STAT6: variants seen among roughly 807,000 people sequenced by gnomAD.
STAT6 encodes signal transducer and activator of transcription 6.
STAT6 carries 45 observed loss-of-function variants against 106.3 expected under a neutral mutation model. The ratio of observed to expected loss-of-function variants is 0.42; its 90% confidence interval spans 0.33 to 0.54. STAT6 has a LOEUF of 0.54. Among genes scored for constraint, STAT6 ranks in the 20% least tolerant of loss-of-function variants. The pLI is 0.06. For missense variants in STAT6, 797 were observed against 1,062.2 expected (o/e 0.75, Z 3.47); for synonymous variants, 413 against 413.6 (o/e 1.00, Z 0.02).
At position 57,096,372 on chromosome 12, in the gene STAT6, G is replaced by A; in HGVS notation, c.*200C>T. On this transcript the variant is annotated 3_prime_UTR_variant, in exon 22 of 22. Coordinates refer to ENST00000300134, the MANE Select transcript of STAT6 (RefSeq NM_003153.5). ...TCAGTGCTGGAAGGAGGTGGGCAGG[G>A]GAATGATAGAAAGGAAGGAGTGGAT... 1.7e-6 allele frequency: 1 copy of A among 593,812 alleles called. No individual in the cohort carries two copies. The highest frequency in any genetic ancestry group is 2.9e-6 in the Non-Finnish European group (1 of 339,018). The allele number at this position is 593,812 out of a possible 1,614,324, so 36.8% of individuals were successfully genotyped here. A position where few individuals can be genotyped will look rare whatever the true frequency, so the allele number is the denominator to read the frequency against.
At chr12:57,110,140 T>C in intron 1 of STAT6, 1 of 151,886 alleles carries the variant, frequency 6.6e-6, no homozygotes, top group South Asian at 2.1e-4. Flanking sequence ...TCCTCTGGAG[T>C]GAGTGGGCAC....
intron 13 of STAT6, chr12:57,100,722 GAAAGAAAGAA>G: frequency 7.8e-6 from 1 of 128,434 alleles, no homozygotes; most frequent in Non-Finnish European, 1.6e-5. Flanking sequence ...AAGAAAGAAA[GAAAGAAAGAA>G]AGAAAGAAAG....
chr12:57,097,011 C>A, intron 20 of STAT6, 33 bp from the exon 21 acceptor site: 1 of 1,605,050 alleles, frequency 6.2e-7, no homozygotes, highest in South Asian at 1.1e-5. Flanking sequence ...ATAAGGAGAG[C>A]GGGGCAAGGC....
chr12:57,101,699 C>G (rs1365528360), intron 13 of STAT6, among the ~76,000 whole-genome samples: 4 of 140,596 alleles, frequency 2.8e-5, no homozygotes, highest in African/African-American at 1.1e-4. Context: ...GAGTCTTGCT[C>G]TGTCACCCAG....
chr12:57,100,553 CA>C, intron 13 of STAT6, among the ~76,000 whole-genome samples: 1 of 151,986 alleles, frequency 6.6e-6, no homozygotes, highest in African/African-American at 2.4e-5. Context: ...CTTTAGCTAA[CA>C]CACCCTCTGG....
chr12:57,102,574 C>T, intron 12 of STAT6, 78 bp from the exon 13 acceptor site: 2 of 1,461,692 alleles, frequency 1.4e-6, no homozygotes, highest in Non-Finnish European at 9.3e-7. Context: ...TCCCTCCCAC[C>T]TGCCTGTGGC....
intron 13 of STAT6, among the ~76,000 whole-genome samples, chr12:57,101,459 C>T (rs1185360501): frequency 6.7e-6 from 1 of 148,816 alleles, no homozygotes; most frequent in Non-Finnish European, 1.5e-5. Context: ...CCTGCAGCCT[C>T]TACCTCCTGG....
chr12:57,108,288 C>T lies in STAT6; in HGVS notation c.-10G>A. On this transcript the variant is annotated 5_prime_UTR_variant, in exon 2 of 22. Coordinates refer to ENST00000300134, the MANE Select transcript of STAT6 (RefSeq NM_003153.5). ...GACCCCACAGAGACATGATCTGGGA[C>T]TTGGAGGTTGCCTGGAGGAGAAAAA... 6.3e-7 allele frequency: 1 copy of T among 1,576,652 alleles called. No individual in the cohort carries two copies. The highest frequency in any genetic ancestry group is 2.2e-5 in the East Asian group (1 of 44,540).
In STAT6 at chr12:57,097,213, G is replaced by A. The variant is rs2033502543; in HGVS notation, c.2160-80C>T. The stretch of plus-strand genomic sequence containing the variant: ...GTGCAAAGTCAGGACCACTGAGTGA[G>A]GAAACAAGCTCCAGCTCCTTATCCT... On this transcript the variant is annotated intron_variant, in intron 19 of 21. Transcript: ENST00000300134. The A allele has an allele frequency of 3.3e-6, 4 of 1,198,898 alleles. No homozygotes were observed. The Admixed American group carries it at 8.6e-5, about 26-fold the overall frequency. The allele number at this position is 1,198,898 out of a possible 1,614,324, so 74.3% of individuals were successfully genotyped here.
chr12:57,098,355 T>A, intron 19 of STAT6, 150 bp downstream of exon 19: 1 of 819,772 alleles, frequency 1.2e-6, no homozygotes, highest in Non-Finnish European at 2.0e-6. Context: ...GTCCAGATCT[T>A]AACTACTACC....
Position 57,106,350 on chromosome 12 carries a change from A to AGAGG in STAT6, c.532-15_532-12dup, listed in dbSNP as rs764224938. The AGAGG allele has an allele frequency of 1.9e-6, 3 of 1,614,156 alleles. No homozygotes were observed. The highest frequency in any genetic ancestry group is 3.3e-5 in the Admixed American group (2 of 59,996). ...TAGCATGGCCAGGGCCTATGGGCAGAGAGGGGCCTGAGCCAGGGCCTCACG... is the reference window on the plus strand; with the variant it reads ...TAGCATGGCCAGGGCCTATGGGCAGAGAGGGAGGGGCCTGAGCCAGGGCCTCACG... On this transcript the variant is annotated splice_polypyrimidine_tract_variant and intron_variant, in intron 6 of 21. Transcript: ENST00000300134.
chr12:57,101,336 C>G (rs1470528592), intron 13 of STAT6, among the ~76,000 whole-genome samples: 1 of 151,334 alleles, frequency 6.6e-6, no homozygotes, highest in Admixed American at 6.6e-5. Flanking sequence ...ATCCGCCCGC[C>G]TCAGCCTCCC....
chr12:57,108,654 C>G (rs1262639109), intron 1 of STAT6, among the ~76,000 whole-genome samples: 2 of 152,224 alleles, frequency 1.3e-5, no homozygotes, highest in Non-Finnish European at 2.9e-5. Context: ...CTTCGATCTT[C>G]TCATCTATAA....
intron 11 of STAT6, chr12:57,103,354 GA>G (rs1445731420): frequency 1.2e-5 from 2 of 160,096 alleles, no homozygotes; most frequent in Non-Finnish European, 2.7e-5. Context: ...TAGTAGATAC[GA>G]GGTTTCACCG....
Position 57,095,545 on chromosome 12 carries a change from A to G in STAT6, c.*1027T>C, listed in dbSNP as rs1046560655. 1 of 152,596 alleles carries G rather than the reference A, an allele frequency of 6.6e-6. No homozygotes were observed. Among genetic ancestry groups the G allele is most frequent in the African/African-American group, 2.4e-5 (1 of 41,426 alleles). 9.5% of individuals were successfully genotyped at this position (152,596 alleles called of 1,614,324 possible). On this transcript the variant is annotated 3_prime_UTR_variant, in exon 22 of 22. Transcript: ENST00000300134. ...AAGGGAAGCTGGCGGTGGATGGGGCAACAGAAAAGATGCAGCAGGCAGGGC... is the reference window on the plus strand; with the variant it reads ...AAGGGAAGCTGGCGGTGGATGGGGCGACAGAAAAGATGCAGCAGGCAGGGC...
intron 1 of STAT6, among the ~76,000 whole-genome samples, chr12:57,110,696 A>G (rs977509259): frequency 2.6e-5 from 4 of 152,118 alleles, no homozygotes; most frequent in African/African-American, 9.7e-5. Flanking sequence ...TGAGGTCTAC[A>G]TCTGGGGCTT....
At chr12:57,100,640 G>GA (rs1201762371) in intron 13 of STAT6, among the ~76,000 whole-genome samples, 2 of 78,006 alleles carry the variant, frequency 2.6e-5, no homozygotes, top group East Asian at 4.3e-4. Flanking sequence ...AAGAGAAAGA[G>GA]AAAGAAAGAA....
chr12:57,098,470 A>G, intron 19 of STAT6, 35 bp downstream of exon 19: 4 of 1,595,200 alleles, frequency 2.5e-6, no homozygotes, highest in Non-Finnish European at 3.4e-6. Flanking sequence ...ACCCCCTTAG[A>G]GTGGGATGGT....
Position 57,096,458 on chromosome 12 carries a change from G to A in STAT6, c.*114C>T. The A allele has an allele frequency of 9.8e-7, 1 of 1,021,264 alleles. No homozygotes were observed. The highest frequency in any genetic ancestry group is 2.6e-5 in the East Asian group (1 of 38,624). 63.3% of individuals were successfully genotyped at this position (1,021,264 alleles called of 1,614,324 possible). A position where few individuals can be genotyped will look rare whatever the true frequency, so the allele number is the denominator to read the frequency against. ...TTCCTCCTGACCCAGGAGTAGGTGG[G>A]GATAGGAGGGCACCCTCCCCATCTG... On this transcript the variant is annotated 3_prime_UTR_variant, in exon 22 of 22. Coordinates refer to ENST00000300134, the MANE Select transcript of STAT6 (RefSeq NM_003153.5).
Sources: allele counts gnomAD v4.1 joint callset (sites outside exome capture counted in the v4.1 genomes callset), GRCh38; gene constraint gnomAD v4.1.1; transcripts MANE v1.5; gene names NCBI Gene and HGNC (gene_info 2026-07-23, HGNC 2026-07-21).